RBFOX1: variants seen among roughly 807,000 people sequenced by gnomAD.
The protein encoded by RBFOX1 is RNA binding protein fox-1 homolog 1.
A neutral mutation model predicts 57.7 loss-of-function variants in RBFOX1; 8 were observed. The observed-to-expected ratio is 0.14, with a 90% CI of 0.08 to 0.25. The LOEUF (loss-of-function observed/expected upper bound fraction) is 0.25, where lower values mean the gene tolerates loss of function less well. RBFOX1 is among the 10% of genes least tolerant of loss of function. RBFOX1 has a pLI of 1.00. For missense variants in RBFOX1, 611 were observed against 548.5 expected, an observed-to-expected ratio of 1.11 and a Z score of -1.14; for synonymous variants, 326 against 222.4, an observed-to-expected ratio of 1.47 and a Z score of -4.15.
At chr16:6,145,353 A>G (rs556300987) in intron 1 of RBFOX1, among the ~76,000 whole-genome samples, 11 of 152,290 alleles carry the variant, frequency 7.2e-5, no homozygotes, top group African/African-American at 2.4e-4. Flanking sequence ...ATGTCCCTGC[A>G]AAAGACACAA....
intron 4 of RBFOX1, among the ~76,000 whole-genome samples, chr16:7,493,102 C>G (rs1268566016): frequency 6.6e-6 from 1 of 152,184 alleles, no homozygotes; most frequent in Non-Finnish European, 1.5e-5. Context: ...TGGTCTCAAA[C>G]TCCTGACCTT....
intron 2 of RBFOX1, among the ~76,000 whole-genome samples, chr16:6,489,106 C>G (rs1422640488): frequency 2.0e-5 from 3 of 152,024 alleles, no homozygotes; most frequent in African/African-American, 7.2e-5. Context: ...TTTAAAGTGC[C>G]CTATTTTTTT....
chr16:6,834,057 A>T (rs1038550407), intron 3 of RBFOX1, among the ~76,000 whole-genome samples: 24 of 150,696 alleles, frequency 1.6e-4, no homozygotes, highest in African/African-American at 2.0e-4. Context: ...TCCAATAAAT[A>T]TTTTTTTTTC....
intron 4 of RBFOX1, among the ~76,000 whole-genome samples, chr16:7,283,064 T>C (rs1490116221): frequency 6.6e-6 from 1 of 152,190 alleles, no homozygotes; most frequent in East Asian, 1.9e-4. Flanking sequence ...TAAATATGCA[T>C]GTGCAGGTAT....
chr16:7,653,858 C>T lies in RBFOX1; in HGVS notation c.801C>T (p.Tyr267=), dbSNP rs747421844. 4.6e-5 allele frequency: 74 copies of T among 1,605,844 alleles called. No individual in the cohort carries two copies. Among genetic ancestry groups the T allele is most frequent in the Non-Finnish European group, 6.0e-5 (71 of 1,179,524 alleles). ...CAGCAGCCACCGCCGCGGCCGCCTA[C>T]CGAGGGGCGCACCTGCGAGGCCGCG... The part of the protein sequence containing the change: ...PYPAATAAAA[Y]RGAHLRGRGR... The change falls in exon 12 of 16, where the codon TAC becomes TAT. Residue 267 remains tyrosine, a synonymous_variant. Transcript: ENST00000550418.
chr16:5,403,599 C>G (rs1190112526), intron 1 of RBFOX1, among the ~76,000 whole-genome samples: 1 of 152,116 alleles, frequency 6.6e-6, no homozygotes, highest in East Asian at 2.0e-4. Flanking sequence ...TGCATGACAC[C>G]ATGCCCAGCT....
intron 1 of RBFOX1, among the ~76,000 whole-genome samples, chr16:6,254,154 C>A (rs371726410): frequency 3.3e-5 from 5 of 152,092 alleles, no homozygotes; most frequent in African/African-American, 1.2e-4. Context: ...TAAGCACCCT[C>A]GTCAATAGCA....
chr16:7,357,338 T>C (rs960368116), intron 4 of RBFOX1, among the ~76,000 whole-genome samples: 1 of 152,174 alleles, frequency 6.6e-6, no homozygotes, highest in Non-Finnish European at 1.5e-5. Context: ...AAAACATTTT[T>C]AGAGAAACTG....
chr16:6,624,314 T>G (rs1387878239), intron 2 of RBFOX1, among the ~76,000 whole-genome samples: 1 of 152,194 alleles, frequency 6.6e-6, no homozygotes, highest in South Asian at 2.1e-4. Flanking sequence ...TAGAGTTGTT[T>G]AAAAAGAAAA....
At chr16:5,491,427 A>C (rs1020476313) in intron 2 of RBFOX1, among the ~76,000 whole-genome samples, 8 of 152,234 alleles carry the variant, frequency 5.3e-5, no homozygotes, top group African/African-American at 1.9e-4. Flanking sequence ...TCCTTTGATG[A>C]CAAGAATGCA....
At chr16:6,834,792 T>C (rs942850183) in intron 3 of RBFOX1, among the ~76,000 whole-genome samples, 3 of 152,132 alleles carry the variant, frequency 2.0e-5, no homozygotes, top group Admixed American at 1.3e-4. Flanking sequence ...TCAGAGTCAT[T>C]CTTAAATGTT....
At chr16:7,514,317 T>C (rs1439761872) in intron 4 of RBFOX1, among the ~76,000 whole-genome samples, 1 of 152,098 alleles carries the variant, frequency 6.6e-6, no homozygotes, top group Non-Finnish European at 1.5e-5. Flanking sequence ...TTCATCCCCC[T>C]ACCCTATCTC....
intron 4 of RBFOX1, among the ~76,000 whole-genome samples, chr16:5,999,671 C>G (rs889227597): frequency 5.9e-5 from 9 of 151,842 alleles, no homozygotes; most frequent in African/African-American, 2.2e-4. Flanking sequence ...ACCATTCTGG[C>G]TAACACGGTG....
chr16:7,467,814 C>G (rs917129068), intron 4 of RBFOX1, among the ~76,000 whole-genome samples: 1 of 152,202 alleles, frequency 6.6e-6, no homozygotes, highest in Non-Finnish European at 1.5e-5. Flanking sequence ...TGACTTCAGT[C>G]TTTACAGAGT....
intron 2 of RBFOX1, among the ~76,000 whole-genome samples, chr16:6,341,009 G>A (rs1164547432): frequency 6.6e-6 from 1 of 152,120 alleles, no homozygotes; most frequent in African/African-American, 2.4e-5. Context: ...CACAGAGATG[G>A]GCAGTGTCCA....
intron 4 of RBFOX1, among the ~76,000 whole-genome samples, chr16:7,300,958 G>C (rs1043755500): frequency 1.3e-5 from 2 of 152,178 alleles, no homozygotes; most frequent in Admixed American, 6.5e-5. Context: ...GATGTTGAAT[G>C]TCTAGAATTT....
intron 1 of RBFOX1, among the ~76,000 whole-genome samples, chr16:5,367,860 A>G (rs1487327307): frequency 6.6e-6 from 1 of 152,198 alleles, no homozygotes; most frequent in Admixed American, 6.5e-5. Flanking sequence ...GTTAACCTCC[A>G]GCAAGAGGAG....
intron 4 of RBFOX1, among the ~76,000 whole-genome samples, chr16:7,460,370 A>ATATATAT (rs1555477558): frequency 2.6e-5 from 2 of 76,036 alleles, no homozygotes; most frequent in Non-Finnish European, 4.6e-5. Context: ...CATTTAGCAA[A>ATATATAT]ATATATATAT....
chr16:6,934,416 C>G (rs76045051), intron 3 of RBFOX1, among the ~76,000 whole-genome samples: 1 of 151,984 alleles, frequency 6.6e-6, no homozygotes, highest in South Asian at 2.1e-4. Flanking sequence ...GAAAGGGAGA[C>G]CTGCCTTTAC....
Sources: gnomAD v4.1 joint callset for allele counts (sites outside exome capture counted in the v4.1 genomes callset) on GRCh38, gnomAD v4.1.1 for gene constraint, MANE v1.5 for transcripts, NCBI Gene and HGNC (gene_info 2026-07-23, HGNC 2026-07-21) for gene names.